Variants in AGT observed in about 807,000 individuals in gnomAD.
AGT encodes angiotensinogen.
Under a neutral mutation model 28.1 loss-of-function variants are expected in AGT, and 26 were observed. The ratio of observed to expected loss-of-function variants is 0.92; its 90% CI spans 0.68 to 1.28. AGT has a LOEUF of 1.28. Ranked by LOEUF, AGT falls within the 50% of genes most tolerant of loss-of-function variation. AGT has a pLI of 0.00. For synonymous variants in AGT, 259 were observed against 259.6 expected (o/e 1.00, Z 0.02); for missense variants, 596 against 592.3 (o/e 1.01, Z -0.06).
At chr1:230,725,164 A>T (rs1483755177) in intron 1 of AGT, among the ~76,000 whole-genome samples, 1 of 152,266 alleles carries the variant, frequency 6.6e-6, no homozygotes, top group Non-Finnish European at 1.5e-5. Context: ...AAGGGATTAA[A>T]TTGGTTTAAT....
chr1:230,741,103 G>A (rs1178093532), intron 1 of AGT, among the ~76,000 whole-genome samples: 1 of 152,136 alleles, frequency 6.6e-6, no homozygotes, highest in Non-Finnish European at 1.5e-5. Flanking sequence ...TCAAACTCCA[G>A]GGAAAGAAAT....
chr1:230,733,461 A>G (rs1274000533), intron 1 of AGT, among the ~76,000 whole-genome samples: 1 of 152,176 alleles, frequency 6.6e-6, no homozygotes, highest in Non-Finnish European at 1.5e-5. Flanking sequence ...GAGAAATGCC[A>G]CAAGGAGACT....
intron 1 of AGT, among the ~76,000 whole-genome samples, chr1:230,736,014 C>T (rs1457157486): frequency 6.6e-6 from 1 of 151,814 alleles, no homozygotes; most frequent in Non-Finnish European, 1.5e-5. Context: ...TGTCAAAACA[C>T]AAAGGTGATG....
chr1:230,711,726 G>A (rs968672772), intron 1 of AGT, among the ~76,000 whole-genome samples: 11 of 151,494 alleles, frequency 7.3e-5, no homozygotes, highest in Admixed American at 6.6e-5. Flanking sequence ...CCTGCATAGC[G>A]CTATCCCCTG....
Position 230,740,905 on chromosome 1 carries a change from C to A in AGT, c.-31+4610G>T, listed in dbSNP as rs112272486. ...TGGGTTACGGTGAGCCAAGATCGCA[C>A]CACTGCACTCTAGCCTGGCAACAGA... On this transcript the variant is annotated intron_variant, in intron 1 of 4. Coordinates refer to the AGT transcript ENST00000681269. Among the ~76,000 whole-genome samples, 246 of 152,310 alleles carry A rather than the reference C, an allele frequency of 1.6e-3. 3 individuals are homozygous for A. The highest frequency in any genetic ancestry group is 5.8e-3 in the African/African-American group (240 of 41,570).
In AGT at chr1:230,739,405, AAG is replaced by A. The variant is rs142325873; in HGVS notation, c.-31+6108_-31+6109del. ...ATGGGGCGGGGGGTGGCTGGGAATT[AAG>A]AGTCACCTTGTCCACCAGGGTGTTG... On this transcript the variant is annotated intron_variant, in intron 1 of 4. Coordinates refer to the AGT transcript ENST00000681269. 5.3e-5 allele frequency among the ~76,000 whole-genome samples: 8 copies of A among 152,182 alleles called. 1 individual carries two copies. The East Asian group carries it at 1.5e-3, about 29-fold the overall frequency.
At chr1:230,737,336 A>G (rs570449332) in intron 1 of AGT, among the ~76,000 whole-genome samples, 1 of 152,070 alleles carries the variant, frequency 6.6e-6, no homozygotes, top group Non-Finnish European at 1.5e-5. Context: ...TTTGAGATGG[A>G]GTTTCACTTT....
chr1:230,711,003 T>G, intron 1 of AGT, 150 bp from the exon 2 acceptor site: 1 of 1,118,754 alleles, frequency 8.9e-7, no homozygotes, highest in Non-Finnish European at 1.3e-6. Flanking sequence ...AGAAATGGAT[T>G]CAAAGCTCCA....
In AGT at chr1:230,744,043, G is replaced by A. The variant is rs1664298076; in HGVS notation, c.-31+1472C>T. 2.0e-5 allele frequency among the ~76,000 whole-genome samples: 3 copies of A among 152,220 alleles called. 1 individual carries two copies. Among genetic ancestry groups the A allele is most frequent in the African/African-American group, 2.4e-5 (1 of 41,460 alleles). On this transcript the variant is annotated intron_variant, in intron 1 of 4. Transcript: ENST00000681269. ...TTAACATGATGCATGGCCCCCGCTT[G>A]GCTCAAAGCTGATTGCATCTCTAGG...
At chr1:230,719,407 T>TTTTTTTTTTTTGTTTGTTTTTG (rs1553314974), upstream of AGT, among the ~76,000 whole-genome samples, 1,931 of 58,352 alleles carry the variant, frequency 0.033, 64 homozygotes, top group African/African-American at 0.24. Context: ...TATCATTATG[T>TTTTTTTTTTTTGTTTGTTTTTG]TTTTTTTTTT....
At chr1:230,734,867 G>A (rs61826452) in intron 1 of AGT, among the ~76,000 whole-genome samples, 47,445 of 151,666 alleles carry the variant, frequency 0.31, 9,171 homozygotes, top group African/African-American at 0.54. Context: ...CTGCCACCAC[G>A]CCTGGCTAAC....
At chr1:230,724,009 T>C (rs944035229) in intron 1 of AGT, among the ~76,000 whole-genome samples, 2 of 152,246 alleles carry the variant, frequency 1.3e-5, no homozygotes, top group Non-Finnish European at 2.9e-5. Flanking sequence ...AATAATAGCA[T>C]GAACATTTAT....
rs897532900 is a variant in AGT at position 230,704,231 on chromosome 1, G to C, written c.1204C>G (p.Leu402Val). ...ATGCGGTCATTGCTCAATTTTTGCA[G>C]GTTCAGCTCGGTGTGCAGAATGGCG... ...LPAILHTELN[L>V]QKLSNDRIRV... The change falls in exon 4 of 5, where the codon CTG becomes GTG. Residue 402 changes from leucine (L) to valine (V), a missense_variant. Coordinates refer to ENST00000366667, the MANE Select transcript of AGT (RefSeq NM_001384479.1). 4 of 1,614,134 alleles carry C rather than the reference G, an allele frequency of 2.5e-6. No individual in the cohort carries two copies. In the African/African-American group the frequency reaches 5.3e-5, roughly 22 times the overall value.
chr1:230,715,773 A>T (rs11568015), upstream of AGT, among the ~76,000 whole-genome samples: 833 of 152,304 alleles, frequency 5.5e-3, 2 homozygotes, highest in African/African-American at 0.015. Context: ...TTAAAGCCTC[A>T]CAATTTGTTT....
intron 1 of AGT, among the ~76,000 whole-genome samples, chr1:230,719,674 CG>C (rs933920361): frequency 6.6e-6 from 1 of 151,846 alleles, no homozygotes; most frequent in Non-Finnish European, 1.5e-5. Context: ...CCCAAAGTGC[CG>C]GAATTACAGG....
chr1:230,710,608 T>C lies in AGT; in HGVS notation c.216A>G (p.Glu72=). ...GCACCAGCTGGTCCTGTAGGGCCTT[T>C]TCATCCACAGGGGATGTCTTGGCCT... The part of the protein sequence containing the change: ...PIQAKTSPVD[E]KALQDQLVLV... The change falls in exon 2 of 5, where the codon GAA becomes GAG. Residue 72 remains glutamate, a synonymous_variant. Transcript: ENST00000366667. The C allele has an allele frequency of 6.2e-7, 1 of 1,614,266 alleles. No individual in the cohort carries two copies.
intron 1 of AGT, among the ~76,000 whole-genome samples, chr1:230,733,059 A>G (rs1009360092): frequency 6.6e-6 from 1 of 152,132 alleles, no homozygotes; most frequent in African/African-American, 2.4e-5. Flanking sequence ...AGGCAGGTGG[A>G]TCATCTGAGG....
At chr1:230,713,430 G>A (rs965287483) in intron 1 of AGT, among the ~76,000 whole-genome samples, 8 of 152,182 alleles carry the variant, frequency 5.3e-5, no homozygotes, top group African/African-American at 1.9e-4. Flanking sequence ...TCCACGAGCT[G>A]AAGCACCAAT....
intron 1 of AGT, among the ~76,000 whole-genome samples, chr1:230,739,825 T>TG (rs200680743): frequency 0.023 from 3,440 of 152,158 alleles, 123 homozygotes; most frequent in African/African-American, 0.078. Context: ...ATCACTTATT[T>TG]GGGGAAAAGT....
Sources: gnomAD v4.1 joint callset for allele counts (sites outside exome capture counted in the v4.1 genomes callset) on GRCh38, gnomAD v4.1.1 for gene constraint, MANE v1.5 for transcripts, NCBI Gene and HGNC (gene_info 2026-07-23, HGNC 2026-07-21) for gene names.